Variants in AFF3 observed in about 807,000 individuals in gnomAD.
AFF3 encodes AF4/FMR2 family member 3.
A neutral mutation model predicts 129.7 loss-of-function variants in AFF3; 32 were observed. The observed-to-expected ratio is 0.25, with a 90% CI of 0.19 to 0.33. The LOEUF (loss-of-function observed/expected upper bound fraction) is 0.33. AFF3 is among the 10% of genes least tolerant of loss of function. The pLI is 1.00. For missense variants in AFF3, 1,373 were observed against 1,592.0 expected, an observed-to-expected ratio of 0.86 and a Z score of 2.34; for synonymous variants, 644 against 635.4, an observed-to-expected ratio of 1.01 and a Z score of -0.20.
chr2:99,602,712 T>C (rs1679957634), intron 13 of AFF3, among the ~76,000 whole-genome samples: 1 of 152,208 alleles, frequency 6.6e-6, no homozygotes. Context: ...CGAGCATCAA[T>C]GAAGGCCAGG....
At chr2:99,711,531 G>C (rs1383489357) in intron 11 of AFF3, among the ~76,000 whole-genome samples, 1 of 152,168 alleles carries the variant, frequency 6.6e-6, no homozygotes, top group African/African-American at 2.4e-5. Context: ...CTGCGATCTA[G>C]GGGTGGAAGG....
chr2:99,715,509 T>A (rs889728242), intron 11 of AFF3, among the ~76,000 whole-genome samples: 1 of 152,206 alleles, frequency 6.6e-6, no homozygotes, highest in African/African-American at 2.4e-5. Context: ...TCTGAGCTTA[T>A]AACAGTTATA....
At chr2:100,120,960 C>G (rs1191720553) in intron 2 of AFF3, among the ~76,000 whole-genome samples, 1 of 152,134 alleles carries the variant, frequency 6.6e-6, no homozygotes, top group East Asian at 1.9e-4. Context: ...TTATCCTAGT[C>G]TCACCAAAGT....
At chr2:99,672,245 AAAG>A (rs1392772718) in intron 12 of AFF3, among the ~76,000 whole-genome samples, 1 of 150,736 alleles carries the variant, frequency 6.6e-6, no homozygotes, top group Non-Finnish European at 1.5e-5. Flanking sequence ...AATAAATAAA[AAAG>A]AAAAAAAAAA....
intron 15 of AFF3, among the ~76,000 whole-genome samples, chr2:99,587,493 T>C (rs1483026648): frequency 1.3e-5 from 2 of 152,096 alleles, no homozygotes; most frequent in Non-Finnish European, 2.9e-5. Context: ...TGACAGCTGA[T>C]GGAGAGGAGA....
rs1676330522 is a variant in AFF3 at position 99,953,252 on chromosome 2, C to T, written c.873+53380G>A. Reference sequence around the variant, plus strand: ...CAGTGCCACCTGTGTCTCCTGGCACCTCTACAACTCTAGATTGGGCATCTC... The same window carrying T: ...CAGTGCCACCTGTGTCTCCTGGCACTTCTACAACTCTAGATTGGGCATCTC... On this transcript the variant is annotated intron_variant, in intron 7 of 24. Transcript: ENST00000672756. 2.0e-5 allele frequency among the ~76,000 whole-genome samples: 3 copies of T among 152,152 alleles called. No homozygotes were observed. The South Asian group carries it at 6.2e-4, about 32-fold the overall frequency.
intron 4 of AFF3, among the ~76,000 whole-genome samples, chr2:100,103,779 C>T (rs1266855013): frequency 6.6e-6 from 1 of 151,874 alleles, no homozygotes; most frequent in African/African-American, 2.4e-5. Context: ...AGAAAGGGCC[C>T]AGAGGAACTG....
chr2:99,823,728 A>G (rs1232880539), intron 8 of AFF3, among the ~76,000 whole-genome samples: 1 of 152,204 alleles, frequency 6.6e-6, no homozygotes, highest in Non-Finnish European at 1.5e-5. Flanking sequence ...TGGACTGGAG[A>G]AAGAAAACGT....
chr2:99,553,015 C>CA (rs1295780687), intron 24 of AFF3, among the ~76,000 whole-genome samples: 1 of 152,184 alleles, frequency 6.6e-6, no homozygotes, highest in African/African-American at 2.4e-5. Context: ...TGTCTGCAAC[C>CA]ACTGCCCGCC....
intron 15 of AFF3, among the ~76,000 whole-genome samples, chr2:99,591,684 G>A (rs1327800492): frequency 6.6e-6 from 1 of 152,194 alleles, no homozygotes; most frequent in Non-Finnish European, 1.5e-5. Context: ...TGAAACGTAT[G>A]TGTCCAGTCT....
chr2:99,728,620 A>T (rs1645879544), intron 10 of AFF3, among the ~76,000 whole-genome samples: 1 of 152,226 alleles, frequency 6.6e-6, no homozygotes. Context: ...CAGTTCGTAC[A>T]TCTATCTCAG....
At chr2:100,009,720 T>C (rs1428937662) in intron 4 of AFF3, among the ~76,000 whole-genome samples, 1 of 152,212 alleles carries the variant, frequency 6.6e-6, no homozygotes, top group Non-Finnish European at 1.5e-5. Flanking sequence ...AAAGTGTTCC[T>C]TCCCCCTAAT....
chr2:99,696,166 C>T (rs993160156), intron 11 of AFF3, among the ~76,000 whole-genome samples: 5 of 151,608 alleles, frequency 3.3e-5, no homozygotes, highest in Non-Finnish European at 7.4e-5. Flanking sequence ...AGATAAAATT[C>T]TCAAATGAAT....
chr2:99,668,421 C>G (rs1017447019), intron 12 of AFF3, among the ~76,000 whole-genome samples: 1 of 152,044 alleles, frequency 6.6e-6, no homozygotes, highest in Non-Finnish European at 1.5e-5. Context: ...CTGCTCTCCT[C>G]AGCCTCCCAA....
At chr2:99,922,448 C>T (rs975906388) in intron 7 of AFF3, among the ~76,000 whole-genome samples, 1 of 152,140 alleles carries the variant, frequency 6.6e-6, no homozygotes, top group African/African-American at 2.4e-5. Context: ...TAGTACTGTG[C>T]TGGATAAAAA....
rs554078103 is a variant in AFF3 at position 99,806,561 on chromosome 2, C to T, written c.921+30916G>A. Among the ~76,000 whole-genome samples the T allele has an allele frequency of 3.2e-3, 483 of 152,252 alleles. 4 individuals carry two copies. The highest frequency in any genetic ancestry group is 0.011 in the African/African-American group (455 of 41,542). On this transcript the variant is annotated intron_variant, in intron 8 of 24. Transcript: ENST00000672756. ...GTTTCCTCTGGGGAACCACTCCAGA[C>T]TTGATGGGGGGAAATCCCAGTTGAA...
chr2:100,122,721 T>C (rs1170859880), intron 2 of AFF3, among the ~76,000 whole-genome samples: 1 of 152,226 alleles, frequency 6.6e-6, no homozygotes, highest in Non-Finnish European at 1.5e-5. Context: ...TTTCTCAAAA[T>C]GTGAGTTTTC....
chr2:99,847,931 G>T (rs988598982), intron 7 of AFF3, among the ~76,000 whole-genome samples: 2 of 152,032 alleles, frequency 1.3e-5, no homozygotes, highest in Non-Finnish European at 2.9e-5. Flanking sequence ...AAACTCCATG[G>T]TATTGTAATC....
chr2:99,634,814 A>C (rs903815950), intron 13 of AFF3, among the ~76,000 whole-genome samples: 1 of 151,844 alleles, frequency 6.6e-6, no homozygotes, highest in African/African-American at 2.4e-5. Flanking sequence ...ACTTCCTTGG[A>C]TAGAACAGAA....
Sources: gnomAD v4.1 joint callset for allele counts (sites outside exome capture counted in the v4.1 genomes callset) on GRCh38, gnomAD v4.1.1 for gene constraint, MANE v1.5 for transcripts, NCBI Gene and HGNC (gene_info 2026-07-23, HGNC 2026-07-21) for gene names.